PTCH1: variants seen among roughly 807,000 people sequenced by gnomAD.
PTCH1 encodes the protein protein patched homolog 1.
In PTCH1, 14 loss-of-function variants were observed where a neutral mutation model predicts 144.6. The observed-to-expected ratio is 0.10, with a 90% CI of 0.06 to 0.15. PTCH1 has a LOEUF of 0.15. Ranked by LOEUF, PTCH1 falls within the 10% of genes least tolerant of loss-of-function variation. The probability of loss-of-function intolerance (pLI) is 1.00; values close to 1 mark genes in which losing one functional copy is unlikely to be tolerated. For synonymous variants in PTCH1, 833 were observed against 793.6 expected (o/e 1.05, Z -0.83); for missense variants, 1,623 against 1,948.3 (o/e 0.83, Z 3.14).
In PTCH1 at chr9:95,508,758, C is replaced by CCCGCG; in HGVS notation, c.-402_-398dup. 1 of 983,804 alleles carries CCCGCG rather than the reference C, an allele frequency of 1.0e-6. No individual in the cohort carries two copies. Among genetic ancestry groups the CCCGCG allele is most frequent in the Non-Finnish European group, 1.2e-6 (1 of 828,572 alleles). 60.9% of individuals were successfully genotyped at this position (983,804 alleles called of 1,614,324 possible). ...CCAACTCCCCCTACCCGCCCCCCGC[C>CCCGCG]CCGCGCCGCGACCCCTTCACTGCAG... On this transcript the variant is annotated 5_prime_UTR_variant, in exon 1 of 24. Transcript: ENST00000331920.
intron 2 of PTCH1, among the ~76,000 whole-genome samples, chr9:95,500,879 A>C (rs1843100324): frequency 6.6e-6 from 1 of 152,204 alleles, no homozygotes; most frequent in Non-Finnish European, 1.5e-5. Context: ...CTTTCTGCAA[A>C]TTTAGATACC....
intron 13 of PTCH1, among the ~76,000 whole-genome samples, chr9:95,469,559 A>G (rs917098291): frequency 1.4e-4 from 22 of 152,206 alleles, no homozygotes; most frequent in Non-Finnish European, 2.8e-4. Flanking sequence ...ACATCAGTTC[A>G]TGATGGAAAA....
intron 2 of PTCH1, among the ~76,000 whole-genome samples, chr9:95,491,573 G>T (rs780185144): frequency 5.9e-5 from 9 of 152,190 alleles, no homozygotes; most frequent in Non-Finnish European, 1.2e-4. Flanking sequence ...AGTTTGGGTG[G>T]CTTGCCCAAG....
intron 1 of PTCH1, among the ~76,000 whole-genome samples, chr9:95,515,720 C>A (rs114692961): frequency 0.012 from 1,890 of 152,302 alleles, 37 homozygotes; most frequent in African/African-American, 0.043. Context: ...GTGGCAGCCA[C>A]CCAAGCGCCT....
rs1330755984 is a variant in PTCH1 at position 95,508,567 on chromosome 9, C to T, written c.-206G>A. The T allele has an allele frequency of 3.8e-5, 38 of 1,002,268 alleles. No homozygotes were observed. Among genetic ancestry groups the T allele is most frequent in the East Asian group, 9.7e-5 (1 of 10,334 alleles). The allele number at this position is 1,002,268 out of a possible 1,614,324, so 62.1% of individuals were successfully genotyped here. A position where few individuals can be genotyped will look rare whatever the true frequency, so the allele number is the denominator to read the frequency against. The stretch of plus-strand genomic sequence containing the variant: ...GCGGGCGCTGCTGCCGCTGCGGCCG[C>T]GGCCGCTGCCGGGGAGTCAGACCCT... On this transcript the variant is annotated 5_prime_UTR_variant, in exon 1 of 24. Transcript: ENST00000331920.
chr9:95,454,980 C>T (rs1187263056), intron 19 of PTCH1, among the ~76,000 whole-genome samples: 1 of 152,196 alleles, frequency 6.6e-6, no homozygotes, highest in Non-Finnish European at 1.5e-5. Context: ...AATAAAATAA[C>T]TTATGGATTC....
At position 95,449,506 on chromosome 9, in the gene PTCH1, GAAGAACT is replaced by G; in HGVS notation, c.3550-190_3550-184del. 1 of 819,862 alleles carries G rather than the reference GAAGAACT, an allele frequency of 1.2e-6. No homozygotes were observed. The highest frequency in any genetic ancestry group is 1.6e-5 in the South Asian group (1 of 61,170). The allele number at this position is 819,862 out of a possible 1,614,324, so 50.8% of individuals were successfully genotyped here. On this transcript the variant is annotated intron_variant, in intron 21 of 23. Transcript: ENST00000331920. The surrounding 1 kb of genome is among the most constrained non-coding windows in gnomAD (Gnocchi z 5.3). The stretch of plus-strand genomic sequence containing the variant: ...ACCTTCAGGTCCCGCAGCTGGAGCA[GAAGAACT>G]GTCCTCTGCTCCACACTGGAAAGGC...
rs369265532 is a variant in PTCH1, at chr9:95,453,485, T to C, written c.3442A>G (p.Ile1148Val). The change falls in exon 20 of 24, where the codon ATT becomes GTT. Residue 1148 changes from isoleucine (I) to valine (V), a missense_variant. Physicochemically the swap from Ile to Val is conservative, Grantham distance 29. Coordinates refer to ENST00000331920, the MANE Select transcript of PTCH1 (RefSeq NM_000264.5). The stretch of plus-strand genomic sequence containing the variant: ...TTGCACACGCCTGCTTACCTGACAA[T>C]GAAGTCGAACTCAGATCCCGCCAGC... The part of the protein sequence containing the change: ...LMLAGSEFDF[I>V]VRYFFAVLAI... The C allele has an allele frequency of 7.4e-6, 12 of 1,614,096 alleles. No individual in the cohort carries two copies. The highest frequency in any genetic ancestry group is 9.3e-6 in the Non-Finnish European group (11 of 1,180,040).
chr9:95,508,629 G>T lies in PTCH1; in HGVS notation c.-268C>A. 4 of 990,910 alleles carry T rather than the reference G, an allele frequency of 4.0e-6. No homozygotes were observed. Among genetic ancestry groups the T allele is most frequent in the Non-Finnish European group, 4.8e-6 (4 of 833,956 alleles). 61.4% of individuals were successfully genotyped at this position (990,910 alleles called of 1,614,324 possible). A position where few individuals can be genotyped will look rare whatever the true frequency, so the allele number is the denominator to read the frequency against. The stretch of plus-strand genomic sequence containing the variant: ...TGCCACATTGCGCGGGGGTCCCGAG[G>T]TCTCTGCGGCCGCCGCTGCCCACAT... On this transcript the variant is annotated 5_prime_UTR_variant, in exon 1 of 24. Transcript: ENST00000331920.
intron 2 of PTCH1, among the ~76,000 whole-genome samples, chr9:95,502,540 C>A (rs187552158): frequency 6.6e-5 from 10 of 152,292 alleles, no homozygotes; most frequent in Non-Finnish European, 1.3e-4. Context: ...CTCTATCAAA[C>A]CTCATTACTC....
rs759245558 is a variant in PTCH1, at chr9:95,476,200, A to T, written c.1603-41T>A. 2 of 1,597,278 alleles carry T rather than the reference A, an allele frequency of 1.3e-6. No homozygotes were observed. Among genetic ancestry groups the T allele is most frequent in the South Asian group, 1.1e-5 (1 of 88,718 alleles). On this transcript the variant is annotated intron_variant, in intron 11 of 23. Coordinates refer to ENST00000331920, the MANE Select transcript of PTCH1 (RefSeq NM_000264.5). This position sits in a 1 kb window ranked among gnomAD's most constrained non-coding sequence, Gnocchi z 4.6. ...CACAGCGCTGAGAGCTGCACTGGAC[A>T]TGGTCCCCTTGGAGCACAGACTGTG...
intron 2 of PTCH1, 196 bp downstream of exon 2, chr9:95,506,211 C>G (rs1843609873): frequency 1.3e-5 from 8 of 615,280 alleles, no homozygotes; most frequent in Admixed American, 3.4e-5. Flanking sequence ...CGCAGCGCCC[C>G]GAGTAGATTA....
At chr9:95,507,397 C>G in intron 1 of PTCH1, 2 of 985,534 alleles carry the variant, frequency 2.0e-6, no homozygotes, top group African/African-American at 3.5e-5. Context: ...CCGGCGGGCC[C>G]CCGTCTGGGT....
chr9:95,454,651 C>A (rs1838762062), intron 19 of PTCH1, among the ~76,000 whole-genome samples: 1 of 152,208 alleles, frequency 6.6e-6, no homozygotes, highest in Non-Finnish European at 1.5e-5. Flanking sequence ...CCATAAGGGC[C>A]TAGTTGTGAC....
rs770748920 is a variant in PTCH1, at chr9:95,508,121, G to C, written c.201+40C>G. The stretch of plus-strand genomic sequence containing the variant: ...GCGGGGGCGATCCCAAAGAGTTAGA[G>C]GAGGGAAGAGAAAGTGGGAGGAGAG... On this transcript the variant is annotated intron_variant, in intron 1 of 23. Coordinates refer to ENST00000331920, the MANE Select transcript of PTCH1 (RefSeq NM_000264.5). The C allele has an allele frequency of 1.8e-5, 29 of 1,609,650 alleles. No homozygotes were observed. The South Asian group carries it at 2.4e-4, about 13-fold the overall frequency.
chr9:95,490,499 G>T (rs1256459508), intron 2 of PTCH1, among the ~76,000 whole-genome samples: 1 of 138,428 alleles, frequency 7.2e-6, no homozygotes, highest in Non-Finnish European at 1.5e-5. Context: ...ACAAAACCCA[G>T]AAAAACAAAA....
rs779365332 is a variant in PTCH1, at chr9:95,447,348, C to A, written c.3908G>T (p.Arg1303Leu). The change falls in exon 23 of 24, where the codon CGC (arginine) becomes CTC (leucine). Residue 1303 changes from arginine (R) to leucine (L), a missense_variant. By Grantham distance (102) the Arg-to-Leu change is moderately radical. Coordinates refer to ENST00000331920, the MANE Select transcript of PTCH1 (RefSeq NM_000264.5). Reference sequence around the variant, plus strand: ...CAAGCCTTCTCTGGGGGGGTCCCTGCGGGGCTGCTGGCCTTGCCGTCCGGG... The same window carrying A: ...CAAGCCTTCTCTGGGGGGGTCCCTGAGGGGCTGCTGGCCTTGCCGTCCGGG... ...LPPGRQGQQP[R>L]RDPPREGLWP... is the part of the protein sequence containing the mutation. 8.7e-6 allele frequency: 14 copies of A among 1,613,344 alleles called. No homozygotes were observed. The highest frequency in any genetic ancestry group is 7.7e-5 in the South Asian group (7 of 91,088).
At chr9:95,503,320 T>C (rs1354363724) in intron 2 of PTCH1, 1 of 152,210 alleles carries the variant, frequency 6.6e-6, no homozygotes, top group African/African-American at 2.4e-5. Flanking sequence ...GGACGTCCAC[T>C]GAGGTATAGG....
At chr9:95,516,507 C>A (rs1844370842) in exon 1 of PTCH1, 14 of 1,537,434 alleles carry the variant, frequency 9.1e-6, no homozygotes, top group African/African-American at 1.4e-5. Context: ...GCGCGGGTGC[C>A]GATGGCGCGG....
Sources: gnomAD v4.1 joint callset for allele counts (sites outside exome capture counted in the v4.1 genomes callset) on GRCh38, gnomAD v4.1.1 for gene constraint, Gnocchi (gnomAD v3.1) non-coding constraint, MANE v1.5 for transcripts, NCBI Gene and HGNC (gene_info 2026-07-23, HGNC 2026-07-21) for gene names.